The following TRMT9B variants were observed in gnomAD, a reference collection of about 807,000 sequenced individuals.
The protein encoded by TRMT9B is probable tRNA methyltransferase 9B.
Under a neutral mutation model 11.5 loss-of-function variants are expected in TRMT9B, and 16 were observed. That is an observed-to-expected ratio of 1.39 (90% CI 0.94 to 2.11). The LOEUF (loss-of-function observed/expected upper bound fraction) is 2.11, where lower values mean the gene tolerates loss of function less well. Among genes scored for constraint, TRMT9B ranks in the 30% most tolerant of loss-of-function variants. TRMT9B has a pLI of 0.00. For missense variants in TRMT9B, 941 were observed against 553.8 expected (o/e 1.70, Z -7.02); for synonymous variants, 274 against 192.4 (o/e 1.42, Z -3.51).
rs1814859257 is a variant in TRMT9B at position 13,027,736 on chromosome 8, A to T, written c.*5692A>T. The T allele has an allele frequency of 6.0e-6, 1 of 167,098 alleles. No individual in the cohort carries two copies. Among genetic ancestry groups the T allele is most frequent in the African/African-American group, 2.4e-5 (1 of 41,458 alleles). The allele number at this position is 167,098 out of a possible 1,614,324, so 10.4% of individuals were successfully genotyped here. A position where few individuals can be genotyped will look rare whatever the true frequency, so the allele number is the denominator to read the frequency against. On this transcript the variant is annotated 3_prime_UTR_variant, in exon 5 of 5. Coordinates refer to ENST00000524591, the MANE Select transcript of TRMT9B (RefSeq NM_020844.3). ...GCACGATACAGGCTTCATTCTATCA[A>T]GAGGCATATGAGGTAAGCGTTATTA...
At chr8:13,018,441 C>G (rs1009366736) in intron 4 of TRMT9B, among the ~76,000 whole-genome samples, 2 of 150,926 alleles carry the variant, frequency 1.3e-5, no homozygotes, top group Non-Finnish European at 2.9e-5. Context: ...ACTTTGAAGT[C>G]CAATCAAATT....
At chr8:12,968,811 G>T (rs1387535765) in intron 1 of TRMT9B, among the ~76,000 whole-genome samples, 1 of 152,076 alleles carries the variant, frequency 6.6e-6, no homozygotes, top group Non-Finnish European at 1.5e-5. Flanking sequence ...GAGCCATGCT[G>T]TTCATTATCT....
At chr8:12,993,945 C>A (rs895846882) in intron 2 of TRMT9B, among the ~76,000 whole-genome samples, 2 of 152,208 alleles carry the variant, frequency 1.3e-5, no homozygotes, top group African/African-American at 2.4e-5. Context: ...GGGAAAGTTA[C>A]AACTTGGGAT....
intron 1 of TRMT9B, among the ~76,000 whole-genome samples, chr8:12,987,053 TC>T (rs2128876493): frequency 6.6e-6 from 1 of 152,306 alleles, no homozygotes; most frequent in African/African-American, 2.4e-5. Context: ...ACTCCTGCCC[TC>T]TCTTCCAGCC....
chr8:13,010,204 C>G (rs781294100), intron 3 of TRMT9B: 5 of 847,246 alleles, frequency 5.9e-6, no homozygotes, highest in Non-Finnish European at 7.1e-6. Context: ...ACAACTACAT[C>G]TATAGTAAAT....
chr8:12,969,190 G>A (rs1348285826), intron 1 of TRMT9B, among the ~76,000 whole-genome samples: 2 of 152,124 alleles, frequency 1.3e-5, no homozygotes, highest in Non-Finnish European at 2.9e-5. Flanking sequence ...CTAGGCAAGA[G>A]AGTGAAACTG....
intron 4 of TRMT9B, among the ~76,000 whole-genome samples, chr8:13,017,307 T>C (rs941914892): frequency 1.3e-5 from 2 of 152,208 alleles, no homozygotes; most frequent in African/African-American, 4.8e-5. Flanking sequence ...AAGGAGATCA[T>C]GTGTAACTTC....
chr8:13,013,050 T>A (rs117030864), intron 4 of TRMT9B, among the ~76,000 whole-genome samples, 193 bp downstream of exon 4: 1,587 of 152,382 alleles, frequency 0.01, 11 homozygotes, highest in Non-Finnish European at 0.017. Context: ...CATATGATTG[T>A]TTTAACTATT....
intron 1 of TRMT9B, among the ~76,000 whole-genome samples, chr8:12,984,109 A>G (rs1805867006): frequency 6.6e-6 from 1 of 152,200 alleles, no homozygotes; most frequent in Admixed American, 6.5e-5. Flanking sequence ...TTCAGTGTAC[A>G]CAAACTTTGC....
intron 1 of TRMT9B, among the ~76,000 whole-genome samples, chr8:12,956,982 T>G: frequency 6.6e-6 from 1 of 152,316 alleles, no homozygotes; most frequent in Middle Eastern, 3.4e-3. Context: ...TTTGTTATAT[T>G]TACCTCTGAT....
intron 2 of TRMT9B, among the ~76,000 whole-genome samples, chr8:13,002,254 G>C (rs1180469093): frequency 1.3e-5 from 2 of 152,130 alleles, no homozygotes; most frequent in African/African-American, 4.8e-5. Context: ...CCCAGTTTAT[G>C]TCGGTTACCA....
At chr8:12,972,855 A>G (rs1803847317) in intron 1 of TRMT9B, among the ~76,000 whole-genome samples, 1 of 152,236 alleles carries the variant, frequency 6.6e-6, no homozygotes, top group Admixed American at 6.5e-5. Context: ...CGACCATTTA[A>G]CCATTTTTAA....
At position 13,012,667 on chromosome 8, in the gene TRMT9B, A is replaced by C; in HGVS notation, c.155-17A>C. ...TTCCATTGAGGATAGCATGTAACGC[A>C]GGTTTTTCTCTTATAGGTTGTGGGA... On this transcript the variant is annotated splice_polypyrimidine_tract_variant and intron_variant, in intron 3 of 4. Coordinates refer to ENST00000524591, the MANE Select transcript of TRMT9B (RefSeq NM_020844.3). 6.3e-7 allele frequency: 1 copy of C among 1,599,200 alleles called. No homozygotes were observed. The highest frequency in any genetic ancestry group is 8.5e-7 in the Non-Finnish European group (1 of 1,171,022).
At position 13,020,426 on chromosome 8, in the gene TRMT9B, G is replaced by C. The variant is rs1813609077; in HGVS notation, c.329-582G>C. On this transcript the variant is annotated intron_variant, in intron 4 of 4. Coordinates refer to ENST00000524591, the MANE Select transcript of TRMT9B (RefSeq NM_020844.3). ...GAAGTAAAATGATGATGTATACATTGATTTTTTAAATAGACACAACTATTT... is the reference window on the plus strand; with the variant it reads ...GAAGTAAAATGATGATGTATACATTCATTTTTTAAATAGACACAACTATTT... 2.6e-5 allele frequency among the ~76,000 whole-genome samples: 4 copies of C among 152,264 alleles called. No individual in the cohort carries two copies. The South Asian group carries it at 8.3e-4, about 32-fold the overall frequency.
At chr8:13,010,377 G>C in intron 3 of TRMT9B, 1 of 980,084 alleles carries the variant, frequency 1.0e-6, no homozygotes, top group Non-Finnish European at 1.2e-6. Context: ...AAGGGATGAG[G>C]AGAAGAAAAG....
chr8:12,983,944 A>G (rs1805839608), intron 1 of TRMT9B, among the ~76,000 whole-genome samples: 1 of 152,086 alleles, frequency 6.6e-6, no homozygotes, highest in Admixed American at 6.6e-5. Flanking sequence ...GATATGTCCT[A>G]TTTTTACTGT....
intron 4 of TRMT9B, among the ~76,000 whole-genome samples, chr8:13,015,150 A>G (rs1458955812): frequency 1.3e-5 from 2 of 151,414 alleles, no homozygotes; most frequent in African/African-American, 2.4e-5. Flanking sequence ...TTTTGTCTAC[A>G]CTCATTTTAT....
At chr8:12,979,056 C>T (rs562111444) in intron 1 of TRMT9B, among the ~76,000 whole-genome samples, 160 of 152,188 alleles carry the variant, frequency 1.1e-3, no homozygotes, top group African/African-American at 3.6e-3. Flanking sequence ...GACTTGGGGA[C>T]ACTGAGAAGG....
At chr8:13,011,278 G>C in intron 3 of TRMT9B, 1 of 984,924 alleles carries the variant, frequency 1.0e-6, no homozygotes, top group Non-Finnish European at 1.2e-6. Context: ...GAGCCACCGC[G>C]CCAGACCCCA....
Sources: gnomAD v4.1 joint callset for allele counts (sites outside exome capture counted in the v4.1 genomes callset) on GRCh38, gnomAD v4.1.1 for gene constraint, MANE v1.5 for transcripts, NCBI Gene and HGNC (gene_info 2026-07-23, HGNC 2026-07-21) for gene names.